EYS: variants seen among roughly 807,000 people sequenced by gnomAD.
The protein encoded by EYS is EGF-like photoreceptor maintenance factor.
A neutral mutation model predicts 282.1 loss-of-function variants in EYS; 250 were observed. The ratio of observed to expected loss-of-function variants is 0.89; its 90% CI spans 0.80 to 0.98. The LOEUF (loss-of-function observed/expected upper bound fraction) is 0.98. Ranked by LOEUF, EYS falls within the 50% of genes least tolerant of loss-of-function variation. The pLI, the probability that EYS is intolerant of heterozygous loss-of-function variation, is 0.00. For missense variants in EYS, 4,016 were observed against 3,709.0 expected (o/e 1.08, Z -2.15); for synonymous variants, 1,355 against 1,282.9 (o/e 1.06, Z -1.20).
chr6:65,429,023 A>T lies in EYS; in HGVS notation c.863-23656T>A, dbSNP rs572708009. The stretch of plus-strand genomic sequence containing the variant: ...CATGGAGAAACACTCTCTACTAAAA[A>T]TACAAAATTAGCCGGGCATGGTGGC... On this transcript the variant is annotated intron_variant, in intron 5 of 42. Transcript: ENST00000503581. 2.0e-5 allele frequency among the ~76,000 whole-genome samples: 3 copies of T among 152,210 alleles called. No homozygotes were observed. In the South Asian group the frequency reaches 6.2e-4, roughly 32 times the overall value.
chr6:65,181,761 A>G (rs1332895803), intron 12 of EYS, among the ~76,000 whole-genome samples: 1 of 152,160 alleles, frequency 6.6e-6, no homozygotes, highest in Non-Finnish European at 1.5e-5. Context: ...ATGCACACGT[A>G]TGTTTATTGC....
chr6:64,173,355 G>C (rs1346741079), intron 31 of EYS, among the ~76,000 whole-genome samples: 2 of 152,024 alleles, frequency 1.3e-5, no homozygotes, highest in Admixed American at 6.6e-5. Context: ...CAGTATTATT[G>C]GCATTCATTT....
Position 65,470,402 on chromosome 6 carries a change from T to G in EYS, c.862+20192A>C, listed in dbSNP as rs190073978. Reference sequence around the variant, plus strand: ...GTAGCAAGTACTCAATAAATAGAACTTATTATTATTTTTAATTCAATTTTA... The same window carrying G: ...GTAGCAAGTACTCAATAAATAGAACGTATTATTATTTTTAATTCAATTTTA... On this transcript the variant is annotated intron_variant, in intron 5 of 42. Transcript: ENST00000503581. Among the ~76,000 whole-genome samples the G allele has an allele frequency of 1.1e-3, 175 of 152,254 alleles. 1 individual carries two copies. Among genetic ancestry groups the G allele is most frequent in the Middle Eastern group, 3.4e-3 (1 of 294 alleles).
intron 12 of EYS, among the ~76,000 whole-genome samples, chr6:65,092,635 T>G (rs1774608155): frequency 6.6e-6 from 1 of 152,206 alleles, no homozygotes; most frequent in East Asian, 1.9e-4. Flanking sequence ...AGGCATAGTT[T>G]TTTAGTTGCC....
chr6:64,737,233 A>C (rs1451080434), intron 22 of EYS, among the ~76,000 whole-genome samples: 2 of 152,264 alleles, frequency 1.3e-5, no homozygotes, highest in Non-Finnish European at 2.9e-5. Context: ...TTTCTTTAGC[A>C]AAACAGCCTA....
chr6:64,572,442 A>G (rs1274163802), intron 26 of EYS, among the ~76,000 whole-genome samples: 1 of 152,212 alleles, frequency 6.6e-6, no homozygotes, highest in African/African-American at 2.4e-5. Context: ...GCATTCAAAT[A>G]GGGAGAGAGG....
intron 12 of EYS, among the ~76,000 whole-genome samples, chr6:65,067,574 T>C (rs1311249199): frequency 6.6e-6 from 1 of 152,116 alleles, no homozygotes; most frequent in Non-Finnish European, 1.5e-5. Context: ...ATTACATTAG[T>C]AATTTGAACA....
intron 19 of EYS, among the ~76,000 whole-genome samples, chr6:64,857,897 A>C (rs554149663): frequency 6.6e-6 from 1 of 152,234 alleles, no homozygotes; most frequent in African/African-American, 2.4e-5. Flanking sequence ...GACCATTTGC[A>C]TGTCTTCTTT....
chr6:64,313,266 C>A (rs1392197493), intron 29 of EYS, among the ~76,000 whole-genome samples: 1 of 151,902 alleles, frequency 6.6e-6, no homozygotes, highest in Non-Finnish European at 1.5e-5. Context: ...ATCGATCAAG[C>A]AGAAGAAAGG....
chr6:64,207,131 G>A lies in EYS; in HGVS notation c.6424+23461C>T, dbSNP rs184547676. ...GTTGAAATTTAATTGCCAATGTATG[G>A]TACTGGACGATGGGGCCTTTAAGAG... On this transcript the variant is annotated intron_variant, in intron 31 of 42. Coordinates refer to ENST00000503581, the MANE Select transcript of EYS (RefSeq NM_001142800.2). Among the ~76,000 whole-genome samples the A allele has an allele frequency of 1.4e-4, 22 of 152,138 alleles. No homozygotes were observed. In the East Asian group the frequency reaches 4.3e-3, roughly 30 times the overall value.
At chr6:64,980,958 T>C (rs1348613519) in intron 14 of EYS, among the ~76,000 whole-genome samples, 1 of 151,428 alleles carries the variant, frequency 6.6e-6, no homozygotes, top group Non-Finnish European at 1.5e-5. Context: ...ACTGCTCTCA[T>C]TTTAAAACAA....
At chr6:64,900,451 A>G (rs900816887) in intron 18 of EYS, among the ~76,000 whole-genome samples, 3 of 152,252 alleles carry the variant, frequency 2.0e-5, no homozygotes, top group Non-Finnish European at 4.4e-5. Context: ...GGCAACCTGC[A>G]GAATGGGAGA....
chr6:64,467,256 A>C (rs1775955611), intron 26 of EYS, among the ~76,000 whole-genome samples: 1 of 151,288 alleles, frequency 6.6e-6, no homozygotes, highest in East Asian at 1.9e-4. Context: ...TATTGGCAAA[A>C]ATTTTGCAGT....
At chr6:64,511,824 G>A (rs1317563378) in intron 26 of EYS, among the ~76,000 whole-genome samples, 1 of 136,826 alleles carries the variant, frequency 7.3e-6, no homozygotes, top group South Asian at 2.3e-4. Context: ...ATTTTGGGGG[G>A]GGGTGTTAAA....
At chr6:65,422,532 GA>G (rs748364799) in intron 5 of EYS, among the ~76,000 whole-genome samples, 107 of 151,614 alleles carry the variant, frequency 7.1e-4, no homozygotes, top group Non-Finnish European at 1.4e-3. Context: ...ACTTCACATA[GA>G]AAAAATGCAA....
In EYS at chr6:65,285,052, C is replaced by T. The variant is rs192957961; in HGVS notation, c.2023+10811G>A. The stretch of plus-strand genomic sequence containing the variant: ...TATGTTTTTCTATTAAAGGTCTTCC[C>T]TGAAAAAAAAGAAAAAAGAATGACA... On this transcript the variant is annotated intron_variant, in intron 12 of 42. Transcript: ENST00000503581. Among the ~76,000 whole-genome samples, 267 of 151,006 alleles carry T rather than the reference C, an allele frequency of 1.8e-3. 2 individuals are homozygous for T. The highest frequency in any genetic ancestry group is 6.0e-3 in the African/African-American group (246 of 41,062).
chr6:64,069,933 G>C (rs1048369839), intron 32 of EYS, among the ~76,000 whole-genome samples: 1 of 151,970 alleles, frequency 6.6e-6, no homozygotes, highest in Non-Finnish European at 1.5e-5. Flanking sequence ...ATAAGAAACA[G>C]CAAGAGAATT....
In EYS at chr6:64,973,996, C is replaced by A. The variant is rs796571924; in HGVS notation, c.2259+23586G>T. On this transcript the variant is annotated intron_variant, in intron 14 of 42. Transcript: ENST00000503581. ...AACTTAAATAAATTTAGAAAACATT[C>A]ATTGAGAAAGAGAATATACACAGCA... Among the ~76,000 whole-genome samples the A allele has an allele frequency of 2.6e-5, 4 of 151,784 alleles. No homozygotes were observed. In the East Asian group the frequency reaches 5.8e-4, roughly 22 times the overall value.
Position 64,806,874 on chromosome 6 carries a change from C to T in EYS, c.3443+6504G>A, listed in dbSNP as rs112100014. Among the ~76,000 whole-genome samples, 979 of 152,118 alleles carry T rather than the reference C, an allele frequency of 6.4e-3. 11 individuals are homozygous for T. Among genetic ancestry groups the T allele is most frequent in the African/African-American group, 0.023 (940 of 41,518 alleles). On this transcript the variant is annotated intron_variant, in intron 22 of 42. Transcript: ENST00000503581. ...TATTAAAAACAAACCATCTTTGTGT[C>T]TCAGTGCTTTGTTTTATAAATCATT... is the stretch of plus-strand genomic sequence containing the variant.
Sources: gnomAD v4.1 joint callset for allele counts (sites outside exome capture counted in the v4.1 genomes callset) on GRCh38, gnomAD v4.1.1 for gene constraint, MANE v1.5 for transcripts, NCBI Gene and HGNC (gene_info 2026-07-23, HGNC 2026-07-21) for gene names.